The following PROX2 variants were observed in gnomAD, a reference collection of about 807,000 sequenced individuals.
PROX2 encodes prospero homeobox protein 2.
Under a neutral mutation model 48.9 loss-of-function variants are expected in PROX2, and 46 were observed. The ratio of observed to expected loss-of-function variants is 0.94; its 90% CI spans 0.74 to 1.20. The LOEUF (loss-of-function observed/expected upper bound fraction) is 1.20. PROX2 is among the 50% of genes most tolerant of loss of function. The probability of loss-of-function intolerance (pLI) is 0.00; values close to 1 mark genes in which losing one functional copy is unlikely to be tolerated. For synonymous variants in PROX2, 260 were observed against 276.6 expected, an observed-to-expected ratio of 0.94 and a Z score of 0.60; for missense variants, 663 against 719.4, an observed-to-expected ratio of 0.92 and a Z score of 0.90.
intron 5 of PROX2, 178 bp downstream of exon 5, chr14:74,856,622 AC>A (rs1475332031): frequency 1.7e-6 from 1 of 592,018 alleles, no homozygotes; most frequent in African/African-American, 1.9e-5. Context: ...TGCTGCTTCC[AC>A]CTGTTGCCCA....
In PROX2 at chr14:74,853,043, AC is replaced by A. The variant is rs1446004162; in HGVS notation, c.*2088del. The A allele has an allele frequency of 6.6e-6, 1 of 152,236 alleles. No individual in the cohort carries two copies. Among genetic ancestry groups the A allele is most frequent in the East Asian group, 1.9e-4 (1 of 5,206 alleles). The allele number at this position is 152,236 out of a possible 1,614,324, so 9.4% of individuals were successfully genotyped here. On this transcript the variant is annotated 3_prime_UTR_variant, in exon 6 of 6. Coordinates refer to ENST00000556489, the MANE Select transcript of PROX2 (RefSeq NM_001243007.2). Reference sequence around the variant, plus strand: ...TAGAATTCTTCTGTTGGCAGAGCATACATATTTATACATTCTTCTGTGTTTA... The same window carrying A: ...TAGAATTCTTCTGTTGGCAGAGCATAATATTTATACATTCTTCTGTGTTTA...
intron 3 of PROX2, 27 bp downstream of exon 3, chr14:74,862,503 A>G (rs200520561): frequency 2.5e-6 from 4 of 1,589,424 alleles, no homozygotes; most frequent in East Asian, 2.2e-5. Flanking sequence ...GCCAACAATG[A>G]GAACTTCAAT....
chr14:74,854,671 T>C lies in PROX2; in HGVS notation c.*461A>G, dbSNP rs2091728970. ...TAGCAAATAGATGGCGCTTTATAATTAGGTGACTAAAAACAGCAATTTGTA... is the reference window on the plus strand; with the variant it reads ...TAGCAAATAGATGGCGCTTTATAATCAGGTGACTAAAAACAGCAATTTGTA... On this transcript the variant is annotated 3_prime_UTR_variant, in exon 6 of 6. Coordinates refer to ENST00000556489, the MANE Select transcript of PROX2 (RefSeq NM_001243007.2). 6.5e-6 allele frequency: 1 copy of C among 153,634 alleles called. No homozygotes were observed. Among genetic ancestry groups the C allele is most frequent in the African/African-American group, 2.4e-5 (1 of 41,476 alleles). 9.5% of individuals were successfully genotyped at this position (153,634 alleles called of 1,614,324 possible).
chr14:74,865,724 G>A lies in PROX2; in HGVS notation c.-174-1716C>T, dbSNP rs369891247. Among the ~76,000 whole-genome samples the A allele has an allele frequency of 3.3e-5, 5 of 152,126 alleles. No homozygotes were observed. In the South Asian group the frequency reaches 6.2e-4, roughly 19 times the overall value. On this transcript the variant is annotated intron_variant, in intron 2 of 5. Coordinates refer to ENST00000556489, the MANE Select transcript of PROX2 (RefSeq NM_001243007.2). The stretch of plus-strand genomic sequence containing the variant: ...CGGGCGCCTATAGTCCCAGCTACTC[G>A]GGAGGCTGAGGCAGGAGAATGGCAT...
intron 3 of PROX2, among the ~76,000 whole-genome samples, chr14:74,860,685 AG>A (rs2091787888): frequency 1.3e-5 from 2 of 152,172 alleles, no homozygotes; most frequent in African/African-American, 4.8e-5. Flanking sequence ...GGAAGAGTTG[AG>A]GGGCCAGGGT....
At chr14:74,873,491 C>T (rs1413709475) in intron 1 of PROX2, among the ~76,000 whole-genome samples, 2 of 152,158 alleles carry the variant, frequency 1.3e-5, no homozygotes, top group Non-Finnish European at 2.9e-5. Flanking sequence ...CAGGAGCCCC[C>T]ACAGCCATAG....
At position 74,854,558 on chromosome 14, in the gene PROX2, G is replaced by C. The variant is rs1286514108; in HGVS notation, c.*574C>G. 1 of 155,284 alleles carries C rather than the reference G, an allele frequency of 6.4e-6. No homozygotes were observed. Among genetic ancestry groups the C allele is most frequent in the East Asian group, 1.9e-4 (1 of 5,230 alleles). The allele number at this position is 155,284 out of a possible 1,614,324, so 9.6% of individuals were successfully genotyped here. On this transcript the variant is annotated 3_prime_UTR_variant, in exon 6 of 6. Transcript: ENST00000556489. ...CTCATAGGCTTTGGCGAGTTACCTTGCAGTTCTAAAGCTTCTGTTTGGTCA... is the reference window on the plus strand; with the variant it reads ...CTCATAGGCTTTGGCGAGTTACCTTCCAGTTCTAAAGCTTCTGTTTGGTCA...
At position 74,854,184 on chromosome 14, in the gene PROX2, G is replaced by C. The variant is rs769019857; in HGVS notation, c.*948C>G. ...AGTTCAGCTTCTTCTGCATATATGA[G>C]GTTGGGGCACCAATTGCAATGGTCA... On this transcript the variant is annotated 3_prime_UTR_variant, in exon 6 of 6. Coordinates refer to ENST00000556489, the MANE Select transcript of PROX2 (RefSeq NM_001243007.2). 1 of 424,600 alleles carries C rather than the reference G, an allele frequency of 2.4e-6. No homozygotes were observed. Among genetic ancestry groups the C allele is most frequent in the Non-Finnish European group, 4.8e-6 (1 of 210,476 alleles). The allele number at this position is 424,600 out of a possible 1,614,324, so 26.3% of individuals were successfully genotyped here.
At position 74,873,479 on chromosome 14, in the gene PROX2, T is replaced by G. The variant is rs528429721; in HGVS notation, c.-309-2242A>C. 3.2e-4 allele frequency among the ~76,000 whole-genome samples: 49 copies of G among 152,110 alleles called. 1 individual carries two copies. The highest frequency in any genetic ancestry group is 4.6e-4 in the Admixed American group (7 of 15,278). ...TGGTTTCCTTTCCTCCTAGGGGGGG[T>G]TCAGGAGCCCCCACAGCCATAGAAC... On this transcript the variant is annotated intron_variant, in intron 1 of 5. Transcript: ENST00000556489.
intron 2 of PROX2, among the ~76,000 whole-genome samples, chr14:74,869,726 C>T (rs191262055): frequency 1.2e-4 from 19 of 152,272 alleles, no homozygotes; most frequent in Non-Finnish European, 2.4e-4. Context: ...TCTTTATCAA[C>T]GCTGGGCATT....
rs576436382 is a variant in PROX2 at position 74,862,584 on chromosome 14, C to G, written c.1251G>C (p.Met417Ile). The G allele has an allele frequency of 1.2e-6, 2 of 1,613,974 alleles. No individual in the cohort carries two copies. The highest frequency in any genetic ancestry group is 3.3e-5 in the Admixed American group (2 of 60,024). Residue 417 changes from methionine (M) to isoleucine (I), a missense_variant, in exon 3 of 6, where the codon ATG becomes ATC. Met to Ile is a conservative substitution (Grantham distance 10, BLOSUM62 1). Coordinates refer to ENST00000556489, the MANE Select transcript of PROX2 (RefSeq NM_001243007.2). Reference protein sequence around the residue: ...ESLPLLPSVKMEQRGLHAVME... With the variant: ...ESLPLLPSVKIEQRGLHAVME... ...TGACAGCATGCAGGCCTCTCTGTTC[C>G]ATCTTCACCGAGGGAAGAAGGGGTA...
intron 3 of PROX2, chr14:74,861,088 C>T: frequency 1.7e-6 from 1 of 586,782 alleles, no homozygotes. Flanking sequence ...ACACTTTTGA[C>T]CGGCAGGGGG....
intron 2 of PROX2, among the ~76,000 whole-genome samples, chr14:74,866,510 G>C (rs1883067222): frequency 6.6e-6 from 1 of 152,170 alleles, no homozygotes. Flanking sequence ...GAGAGGCAGG[G>C]GGAAACCTAG....
intron 3 of PROX2, chr14:74,858,753 G>T (rs952275756): frequency 5.3e-5 from 23 of 431,138 alleles, no homozygotes; most frequent in African/African-American, 3.9e-4. Flanking sequence ...TAGCATAGAT[G>T]ATGTCAAATA....
chr14:74,856,315 T>C (rs1357161118), intron 5 of PROX2: 2 of 155,608 alleles, frequency 1.3e-5, no homozygotes, highest in African/African-American at 2.4e-5. Context: ...TGTTGTTTAT[T>C]GTTATTTCCA....
rs79476931 is a variant in PROX2 at position 74,872,481 on chromosome 14, C to T, written c.-309-1244G>A. ...CAACACTCATTATGGGATCTAAGGG[C>T]CCACCACTGGCATTTCATAATAATG... On this transcript the variant is annotated intron_variant, in intron 1 of 5. Transcript: ENST00000556489. Among the ~76,000 whole-genome samples the T allele has an allele frequency of 4.4e-3, 663 of 152,204 alleles. 1 individual carries two copies. Among genetic ancestry groups the T allele is most frequent in the Non-Finnish European group, 7.7e-3 (527 of 68,002 alleles).
rs1340759778 is a variant in PROX2 at position 74,854,756 on chromosome 14, G to C, written c.*376C>G. 1 of 160,582 alleles carries C rather than the reference G, an allele frequency of 6.2e-6. No homozygotes were observed. The highest frequency in any genetic ancestry group is 1.4e-5 in the Non-Finnish European group (1 of 73,938). 9.9% of individuals were successfully genotyped at this position (160,582 alleles called of 1,614,324 possible). A position where few individuals can be genotyped will look rare whatever the true frequency, so the allele number is the denominator to read the frequency against. On this transcript the variant is annotated 3_prime_UTR_variant, in exon 6 of 6. Coordinates refer to ENST00000556489, the MANE Select transcript of PROX2 (RefSeq NM_001243007.2). Reference sequence around the variant, plus strand: ...GGGCTCAAAAAACTGACATTTGTGTGTGAATGACATTGCATAGGACATACT... The same window carrying C: ...GGGCTCAAAAAACTGACATTTGTGTCTGAATGACATTGCATAGGACATACT...
In PROX2 at chr14:74,863,696, TG is replaced by T; in HGVS notation, c.138del (p.Ser47AlafsTer69). The T allele has an allele frequency of 6.5e-7, 1 of 1,537,536 alleles. No individual in the cohort carries two copies. Among genetic ancestry groups the T allele is most frequent in the Non-Finnish European group, 8.7e-7 (1 of 1,144,844 alleles). On this transcript the variant is annotated frameshift_variant, in exon 3 of 6. Transcript: ENST00000556489. LOFTEE classifies it high-confidence loss of function. ...RDSPFPWSQVPSSSPTDPEWF... is the reference protein window; with the variant it reads ...RDSPFPWSQVXSSSPTDPEWF... Reference sequence around the variant, plus strand: ...CATTCGGGGTCTGTAGGGCTGGAGCTGGGGACCTGACTCCAGGGAAACGGGG... The same window carrying T: ...CATTCGGGGTCTGTAGGGCTGGAGCTGGGACCTGACTCCAGGGAAACGGGG...
chr14:74,862,961 CCCT>C lies in PROX2; in HGVS notation c.871_873del (p.Arg291del). 1 of 1,613,926 alleles carries C rather than the reference CCCT, an allele frequency of 6.2e-7. No homozygotes were observed. Among genetic ancestry groups the C allele is most frequent in the Non-Finnish European group, 8.5e-7 (1 of 1,179,858 alleles). On this transcript the variant is annotated inframe_deletion, in exon 3 of 6. Transcript: ENST00000556489. ...ACTGGGACCCCAGCTTGTAGCTGGA[CCCT>C]CCTGGGCAAGGCAGCCAAAGCAAGT...
Sources: allele counts gnomAD v4.1 joint callset (sites outside exome capture counted in the v4.1 genomes callset), GRCh38; gene constraint gnomAD v4.1.1; transcripts MANE v1.5; gene names NCBI Gene and HGNC (gene_info 2026-07-23, HGNC 2026-07-21).